The following FAM241A variants were observed in gnomAD, a reference collection of about 807,000 sequenced individuals.
FAM241A encodes uncharacterized protein FAM241A.
FAM241A carries 7 observed loss-of-function variants against 12.2 expected under a neutral mutation model. That is an observed-to-expected ratio of 0.58 (90% CI 0.33 to 1.08). The LOEUF is 1.08. Among genes scored for constraint, FAM241A ranks in the 50% least tolerant of loss-of-function variants. The probability of loss-of-function intolerance (pLI) is 0.04; values close to 1 mark genes in which losing one functional copy is unlikely to be tolerated. For synonymous variants in FAM241A, 74 were observed against 68.2 expected, an observed-to-expected ratio of 1.08 and a Z score of -0.42; for missense variants, 161 against 169.7, an observed-to-expected ratio of 0.95 and a Z score of 0.29.
At position 112,172,947 on chromosome 4, in the gene FAM241A, G is replaced by C. The variant is rs190996004; in HGVS notation, c.154-13746G>C. Among the ~76,000 whole-genome samples, 7 of 152,264 alleles carry C rather than the reference G, an allele frequency of 4.6e-5. No individual in the cohort carries two copies. The East Asian group carries it at 1.4e-3, about 29-fold the overall frequency. ...TTGTCACCCAGGCTGGAGTGCAGTG[G>C]TGCGATCTTGGTTCACTGCAGCCTC... is the stretch of plus-strand genomic sequence containing the variant. On this transcript the variant is annotated intron_variant, in intron 1 of 1. Coordinates refer to ENST00000309733, the MANE Select transcript of FAM241A (RefSeq NM_152400.3).
At chr4:112,155,062 A>T (rs1723325513) in intron 1 of FAM241A, among the ~76,000 whole-genome samples, 1 of 152,196 alleles carries the variant, frequency 6.6e-6, no homozygotes, top group Non-Finnish European at 1.5e-5. Context: ...CCACAAAAAA[A>T]GAGGCTTGAG....
At chr4:112,155,797 A>G (rs2110421771) in intron 1 of FAM241A, among the ~76,000 whole-genome samples, 1 of 152,300 alleles carries the variant, frequency 6.6e-6, no homozygotes, top group Middle Eastern at 3.4e-3. Flanking sequence ...ATAAAATACT[A>G]TATTTGGCTA....
In FAM241A at chr4:112,168,274, A is replaced by G. The variant is rs182567451; in HGVS notation, c.154-18419A>G. On this transcript the variant is annotated intron_variant, in intron 1 of 1. Coordinates refer to ENST00000309733, the MANE Select transcript of FAM241A (RefSeq NM_152400.3). ...TCTTTATCTACAAGACTAGATTCCT[A>G]CAGACTCTTTAGTTCTATAAATAAT... is the stretch of plus-strand genomic sequence containing the variant. 2.6e-5 allele frequency among the ~76,000 whole-genome samples: 4 copies of G among 152,366 alleles called. No individual in the cohort carries two copies. In the East Asian group the frequency reaches 7.7e-4, roughly 29 times the overall value.
chr4:112,155,722 A>AT (rs1403910235), intron 1 of FAM241A, among the ~76,000 whole-genome samples: 2 of 152,134 alleles, frequency 1.3e-5, no homozygotes, highest in Non-Finnish European at 2.9e-5. Flanking sequence ...ATTAGGAATG[A>AT]TTTTTTACCT....
chr4:112,169,023 G>T lies in FAM241A; in HGVS notation c.154-17670G>T, dbSNP rs150215647. 4.3e-3 allele frequency among the ~76,000 whole-genome samples: 651 copies of T among 152,256 alleles called. 9 individuals carry two copies. The highest frequency in any genetic ancestry group is 0.015 in the African/African-American group (617 of 41,536). On this transcript the variant is annotated intron_variant, in intron 1 of 1. Transcript: ENST00000309733. Reference sequence around the variant, plus strand: ...AACTCTTTAAATATAATATGGAAAAGATATAACAGCATAAGCAAAATAGTC... The same window carrying T: ...AACTCTTTAAATATAATATGGAAAATATATAACAGCATAAGCAAAATAGTC...
chr4:112,153,259 C>T (rs1723280122), intron 1 of FAM241A, among the ~76,000 whole-genome samples: 1 of 152,150 alleles, frequency 6.6e-6, no homozygotes, highest in Non-Finnish European at 1.5e-5. Flanking sequence ...AAAATACCCA[C>T]CTCCTCTGTA....
chr4:112,171,296 G>A, intron 1 of FAM241A: 1 of 755,290 alleles, frequency 1.3e-6, no homozygotes, highest in Non-Finnish European at 2.4e-6. Context: ...CACAGTACAA[G>A]AAGGGCAAGG....
intron 1 of FAM241A, among the ~76,000 whole-genome samples, chr4:112,164,921 G>T (rs1723563465): frequency 6.6e-6 from 1 of 152,126 alleles, no homozygotes; most frequent in African/African-American, 2.4e-5. Context: ...GACCAGCCTG[G>T]GCAATACGGT....
At position 112,188,988 on chromosome 4, in the gene FAM241A, C is replaced by G. The variant is rs1361216722; in HGVS notation, c.*2050C>G. On this transcript the variant is annotated 3_prime_UTR_variant, in exon 2 of 2. Transcript: ENST00000309733. ...TGATATGGGAAAAAACAAACTTTGC[C>G]TATGTAATGGAAATAAAATATTTTC... 1 of 151,900 alleles carries G rather than the reference C, an allele frequency of 6.6e-6. No individual in the cohort carries two copies. The highest frequency in any genetic ancestry group is 1.5e-5 in the Non-Finnish European group (1 of 67,964). 9.4% of individuals were successfully genotyped at this position (151,900 alleles called of 1,614,324 possible).
At chr4:112,147,338 TTAATG>T (rs1723160702) in intron 1 of FAM241A, among the ~76,000 whole-genome samples, 1 of 152,252 alleles carries the variant, frequency 6.6e-6, no homozygotes, top group Non-Finnish European at 1.5e-5. Context: ...TCAAGATTTA[TTAATG>T]TATTCTAAGC....
intron 1 of FAM241A, among the ~76,000 whole-genome samples, chr4:112,157,404 G>C (rs1723376124): frequency 1.3e-5 from 2 of 152,008 alleles, no homozygotes; most frequent in African/African-American, 4.8e-5. Context: ...CAATGCCATA[G>C]AGACACCCAG....
intron 1 of FAM241A, among the ~76,000 whole-genome samples, chr4:112,173,847 G>C (rs569981257): frequency 6.6e-6 from 1 of 152,020 alleles, no homozygotes; most frequent in Admixed American, 6.5e-5. Flanking sequence ...ACCAAGGTAG[G>C]GCTTCCAGAA....
intron 1 of FAM241A, among the ~76,000 whole-genome samples, chr4:112,149,234 A>G (rs72907746): frequency 0.092 from 14,031 of 152,080 alleles, 799 homozygotes; most frequent in African/African-American, 0.15. Context: ...TCAAACTACT[A>G]GCCTCAAGCA....
rs1724160417 is a variant in FAM241A, at chr4:112,191,254, T to C, written c.*4316T>C. 6.6e-6 allele frequency: 1 copy of C among 152,190 alleles called. No homozygotes were observed. The highest frequency in any genetic ancestry group is 2.4e-5 in the African/African-American group (1 of 41,440). The allele number at this position is 152,190 out of a possible 1,614,324, so 9.4% of individuals were successfully genotyped here. ...ATTTTACTTCTAAAAATATAATCTT[T>C]CTACTTCTATTCATTCCTAGCATCA... is the stretch of plus-strand genomic sequence containing the variant. On this transcript the variant is annotated 3_prime_UTR_variant, in exon 2 of 2. Coordinates refer to ENST00000309733, the MANE Select transcript of FAM241A (RefSeq NM_152400.3).
intron 1 of FAM241A, among the ~76,000 whole-genome samples, chr4:112,181,790 C>G (rs994955198): frequency 2.0e-5 from 3 of 152,176 alleles, no homozygotes; most frequent in Non-Finnish European, 4.4e-5. Flanking sequence ...AGGCTGATGA[C>G]AGAATGAGGC....
intron 1 of FAM241A, among the ~76,000 whole-genome samples, chr4:112,181,595 G>T (rs1723944484): frequency 6.6e-6 from 1 of 152,202 alleles, no homozygotes; most frequent in Non-Finnish European, 1.5e-5. Context: ...GAGTCAGAAT[G>T]CATTGAAAGA....
At position 112,186,932 on chromosome 4, in the gene FAM241A, A is replaced by G. The variant is rs1371587319; in HGVS notation, c.393A>G (p.Gln131=). The stretch of plus-strand genomic sequence containing the variant: ...TTTGCCTTGTTATTATTTATGTGCA[A>G]CAGTAAAACATGGCCGAATTGAATT... ...AVLCLVIIYV[Q]Q Residue 131 remains glutamine (Q), a synonymous_variant, in exon 2 of 2, where the codon CAA becomes CAG. Coordinates refer to ENST00000309733, the MANE Select transcript of FAM241A (RefSeq NM_152400.3). 3 of 1,611,406 alleles carry G rather than the reference A, an allele frequency of 1.9e-6. No homozygotes were observed. Among genetic ancestry groups the G allele is most frequent in the Middle Eastern group, 3.3e-4 (2 of 6,058 alleles).
At chr4:112,180,037 T>C (rs1723902708) in intron 1 of FAM241A, among the ~76,000 whole-genome samples, 1 of 147,846 alleles carries the variant, frequency 6.8e-6, no homozygotes. Flanking sequence ...AAAACAGTCA[T>C]ATCCTTTGTA....
At chr4:112,150,010 C>T (rs1723215783) in intron 1 of FAM241A, among the ~76,000 whole-genome samples, 1 of 151,988 alleles carries the variant, frequency 6.6e-6, no homozygotes, top group South Asian at 2.1e-4. Context: ...ACACGTATCT[C>T]TTTCTATACA....
Sources: gnomAD v4.1 joint callset for allele counts (sites outside exome capture counted in the v4.1 genomes callset) on GRCh38, gnomAD v4.1.1 for gene constraint, MANE v1.5 for transcripts, NCBI Gene and HGNC (gene_info 2026-07-23, HGNC 2026-07-21) for gene names.